Variants in PDE3B observed in about 807,000 individuals in gnomAD.
The protein encoded by PDE3B is phosphodiesterase 3B.
PDE3B carries 66 observed loss-of-function variants against 116.8 expected under a neutral mutation model. The observed-to-expected ratio is 0.56, with a 90% CI of 0.46 to 0.69. The LOEUF is 0.69. Among genes scored for constraint, PDE3B ranks in the 30% least tolerant of loss-of-function variants. The pLI is 0.00. For synonymous variants in PDE3B, 595 were observed against 533.6 expected, an observed-to-expected ratio of 1.12 and a Z score of -1.59; for missense variants, 1,384 against 1,368.1, an observed-to-expected ratio of 1.01 and a Z score of -0.18.
intron 11 of PDE3B, among the ~76,000 whole-genome samples, chr11:14,836,567 C>G (rs924219571): frequency 6.6e-6 from 1 of 152,164 alleles, no homozygotes; most frequent in African/African-American, 2.4e-5. Flanking sequence ...TACCTCACTT[C>G]TAGGTGCCAA....
chr11:14,665,356 A>G (rs951278131), intron 1 of PDE3B, among the ~76,000 whole-genome samples: 5 of 152,248 alleles, frequency 3.3e-5, no homozygotes, highest in African/African-American at 1.2e-4. Flanking sequence ...GAAAACTGGC[A>G]CAAGACAGGG....
chr11:14,894,305 C>G, the PDE3B span, among the ~76,000 whole-genome samples: 1 of 152,134 alleles, frequency 6.6e-6, no homozygotes, highest in South Asian at 2.1e-4. Flanking sequence ...GGAGATGACA[C>G]AGGATGGATA....
At chr11:14,729,224 C>T (rs1200053938) in intron 1 of PDE3B, among the ~76,000 whole-genome samples, 2 of 152,214 alleles carry the variant, frequency 1.3e-5, no homozygotes, top group African/African-American at 4.8e-5. Flanking sequence ...TTTTGTTGAT[C>T]AGAGCATAGC....
intron 3 of PDE3B, 167 bp from the exon 4 acceptor site, chr11:14,788,937 AGT>A (rs1858300442): frequency 2.2e-6 from 1 of 448,358 alleles, no homozygotes; most frequent in African/African-American, 2.1e-5. Flanking sequence ...AACAAAATAG[AGT>A]GTGAAATTTG....
the PDE3B span, among the ~76,000 whole-genome samples, chr11:14,889,657 G>A: frequency 1.3e-5 from 2 of 152,240 alleles, no homozygotes; most frequent in South Asian, 2.1e-4. Context: ...AACTATGATA[G>A]GGGACTTAGA....
At chr11:14,741,094 A>T (rs984805974) in intron 1 of PDE3B, among the ~76,000 whole-genome samples, 5 of 151,952 alleles carry the variant, frequency 3.3e-5, no homozygotes, top group African/African-American at 1.2e-4. Context: ...TGGGGTGGGG[A>T]GTTCTGTAGA....
At chr11:14,737,287 G>A (rs1244794575) in intron 1 of PDE3B, among the ~76,000 whole-genome samples, 7 of 151,744 alleles carry the variant, frequency 4.6e-5, no homozygotes, top group Non-Finnish European at 7.4e-5. Flanking sequence ...TCGGCCTCCC[G>A]GGTTCACGCT....
At chr11:14,784,751 A>G (rs1309237724) in intron 2 of PDE3B, among the ~76,000 whole-genome samples, 1 of 152,160 alleles carries the variant, frequency 6.6e-6, no homozygotes, top group Non-Finnish European at 1.5e-5. Flanking sequence ...AGATTTGTCT[A>G]TGAAAATGAT....
chr11:14,882,565 G>C, the PDE3B span, among the ~76,000 whole-genome samples: 2 of 152,094 alleles, frequency 1.3e-5, no homozygotes, highest in South Asian at 4.1e-4. Flanking sequence ...TCACCCAAAG[G>C]GCAACTTTTT....
intron 12 of PDE3B, among the ~76,000 whole-genome samples, chr11:14,854,270 A>G (rs1289218391): frequency 6.6e-6 from 1 of 152,166 alleles, no homozygotes; most frequent in Non-Finnish European, 1.5e-5. Flanking sequence ...TCCAGGCAGA[A>G]AACTCATCTC....
intron 12 of PDE3B, among the ~76,000 whole-genome samples, chr11:14,849,023 C>T (rs557055099): frequency 2.3e-4 from 35 of 152,032 alleles, no homozygotes; most frequent in African/African-American, 6.5e-4. Flanking sequence ...GAGCCTGCAT[C>T]GCCAAGTCAA....
intron 11 of PDE3B, among the ~76,000 whole-genome samples, chr11:14,839,506 CAGG>C (rs1282825701): frequency 6.6e-6 from 1 of 152,234 alleles, no homozygotes; most frequent in African/African-American, 2.4e-5. Context: ...TCAATGTAAT[CAGG>C]TGGTTACTCT....
the PDE3B span, chr11:14,877,936 TA>T: frequency 1.6e-6 from 1 of 612,222 alleles, no homozygotes; most frequent in East Asian, 2.9e-5. Context: ...CCAGAAGTCA[TA>T]AAATCTTGAA....
At chr11:14,820,301 C>T (rs1398738466) in intron 7 of PDE3B, among the ~76,000 whole-genome samples, 3 of 149,710 alleles carry the variant, frequency 2.0e-5, no homozygotes, top group African/African-American at 7.4e-5. Context: ...ACTTCTGATA[C>T]ATGCTGCAAC....
rs180973026 is a variant in PDE3B, at chr11:14,869,963, G to C, written c.*303G>C. On this transcript the variant is annotated 3_prime_UTR_variant, in exon 16 of 16. Transcript: ENST00000282096. ...TGTCATAATGCTGCTTTGCTGGGTA[G>C]TGAGCTCTTATTTTTCACTGGGGGT... The C allele has an allele frequency of 4.8e-6, 1 of 207,026 alleles. No individual in the cohort carries two copies. Among genetic ancestry groups the C allele is most frequent in the African/African-American group, 2.3e-5 (1 of 43,622 alleles). The allele number at this position is 207,026 out of a possible 1,614,324, so 12.8% of individuals were successfully genotyped here. A position where few individuals can be genotyped will look rare whatever the true frequency, so the allele number is the denominator to read the frequency against.
intron 14 of PDE3B, among the ~76,000 whole-genome samples, chr11:14,864,146 G>T (rs1848000632): frequency 6.6e-6 from 1 of 152,124 alleles, no homozygotes. Flanking sequence ...AAAAGCAGGG[G>T]TTGCAATCCT....
In PDE3B at chr11:14,644,140, C is replaced by A; in HGVS notation, c.65C>A (p.Ser22Ter). The change falls in exon 1 of 16, where the codon TCG (serine) becomes TAG (stop). Residue 22 changes from serine (S) to a stop codon, truncating the protein, a stop_gained. Transcript: ENST00000282096. LOFTEE classifies it high-confidence loss of function. ...CTGCAGCCGCCGGATGGGGCCGGCT[C>A]GCCCCCCGAGAGTCTGAGGAACGGC... is the stretch of plus-strand genomic sequence containing the variant. ...RSLQPPDGAG[S>*]PPESLRNGYV... 6.3e-7 allele frequency: 1 copy of A among 1,587,992 alleles called. No individual in the cohort carries two copies. The highest frequency in any genetic ancestry group is 8.5e-7 in the Non-Finnish European group (1 of 1,175,314).
intron 11 of PDE3B, among the ~76,000 whole-genome samples, chr11:14,838,249 G>T (rs1352048539): frequency 2.0e-5 from 3 of 152,020 alleles, no homozygotes; most frequent in Admixed American, 2.0e-4. Flanking sequence ...AAAGTGCTGG[G>T]ATTATAGGTG....
intron 10 of PDE3B, among the ~76,000 whole-genome samples, chr11:14,833,134 G>T (rs1859950935): frequency 6.6e-6 from 1 of 151,978 alleles, no homozygotes; most frequent in Admixed American, 6.6e-5. Context: ...TATATTTTTA[G>T]TAGAGATGGG....
Sources: allele counts gnomAD v4.1 joint callset (sites outside exome capture counted in the v4.1 genomes callset), GRCh38; gene constraint gnomAD v4.1.1; transcripts MANE v1.5; gene names NCBI Gene and HGNC (gene_info 2026-07-23, HGNC 2026-07-21).